TDRD6: variants seen among roughly 807,000 people sequenced by gnomAD.
TDRD6 encodes the protein tudor domain-containing protein 6.
A neutral mutation model predicts 157.5 loss-of-function variants in TDRD6; 186 were observed. The observed-to-expected ratio is 1.18, with a 90% CI of 1.05 to 1.33. The LOEUF (loss-of-function observed/expected upper bound fraction) is 1.33. Ranked by LOEUF, TDRD6 falls within the 40% of genes most tolerant of loss-of-function variation. The probability of loss-of-function intolerance (pLI) is 0.00; values close to 1 mark genes in which losing one functional copy is unlikely to be tolerated. For missense variants in TDRD6, 3,066 were observed against 2,508.0 expected (o/e 1.22, Z -4.75); for synonymous variants, 1,075 against 945.2 (o/e 1.14, Z -2.52).
In TDRD6 at chr6:46,693,785, G is replaced by A. The variant is rs865929083; in HGVS notation, c.5657G>A (p.Gly1886Asp). 6 of 1,614,032 alleles carry A rather than the reference G, an allele frequency of 3.7e-6. No individual in the cohort carries two copies. Among genetic ancestry groups the A allele is most frequent in the Admixed American group, 3.3e-5 (2 of 59,990 alleles). ...CTCTCCCAAGAGTGTGTCACAAAAG[G>A]CGCCATGGAGCTATTTACACTGCAG... is the stretch of plus-strand genomic sequence containing the variant. ...VPLSQECVTK[G>D]AMELFTLQLP... Residue 1886 changes from glycine to aspartate, a missense_variant, in exon 1 of 4, where the codon GGC becomes GAC. Physicochemically the swap from Gly to Asp is moderately conservative, Grantham distance 94. Coordinates refer to ENST00000316081, the MANE Select transcript of TDRD6 (RefSeq NM_001010870.3).
rs764788432 is a variant in TDRD6, at chr6:46,701,935, A to G, written c.*48A>G. On this transcript the variant is annotated 3_prime_UTR_variant, in exon 4 of 4. Coordinates refer to ENST00000316081, the MANE Select transcript of TDRD6 (RefSeq NM_001010870.3). ...AATCAGTCAGAAGCTGCCCTTGAACAAGTGGCATCTTACGCAGACCAACAG... is the reference window on the plus strand; with the variant it reads ...AATCAGTCAGAAGCTGCCCTTGAACGAGTGGCATCTTACGCAGACCAACAG... 14 of 1,596,792 alleles carry G rather than the reference A, an allele frequency of 8.8e-6. No individual in the cohort carries two copies. The highest frequency in any genetic ancestry group is 1.2e-5 in the Non-Finnish European group (14 of 1,166,034).
intron 3 of TDRD6, among the ~76,000 whole-genome samples, chr6:46,700,474 T>G (rs1333647216): frequency 6.6e-6 from 1 of 152,184 alleles, no homozygotes; most frequent in East Asian, 1.9e-4. Context: ...CACTATGATC[T>G]AGGAATCTAA....
Position 46,688,735 on chromosome 6 carries a change from A to T in TDRD6, c.607A>T (p.Ser203Cys), listed in dbSNP as rs748040465. 1.9e-6 allele frequency: 3 copies of T among 1,600,222 alleles called. No homozygotes were observed. In the South Asian group the frequency reaches 3.3e-5, roughly 18 times the overall value. The change falls in exon 1 of 4, where the codon AGC (serine) becomes TGC (cysteine). Residue 203 changes from serine to cysteine, a missense_variant. By Grantham distance (112) the Ser-to-Cys change is moderately radical. Transcript: ENST00000316081. ...GGGCCTGGCTCGGCGGGTGCCCGAC[A>T]GCCTCTTCCGTTCGCTGCTGGAGCG... Reference protein sequence around the residue: ...ELGLARRVPDSLFRSLLERYL... With the variant: ...ELGLARRVPDCLFRSLLERYL...
At position 46,688,475 on chromosome 6, in the gene TDRD6, G is replaced by T. The variant is rs779365592; in HGVS notation, c.347G>T (p.Arg116Leu). 5 of 1,548,214 alleles carry T rather than the reference G, an allele frequency of 3.2e-6. No individual in the cohort carries two copies. The Middle Eastern group carries it at 5.0e-4, about 155-fold the overall frequency. Residue 116 changes from arginine to leucine, a missense_variant, in exon 1 of 4, where the codon CGC becomes CTC. By Grantham distance (102) the Arg-to-Leu change is moderately radical. Coordinates refer to ENST00000316081, the MANE Select transcript of TDRD6 (RefSeq NM_001010870.3). Reference protein sequence around the residue: ...TAGAGSLAPGRREFFNLPSEV... With the variant: ...TAGAGSLAPGLREFFNLPSEV... ...GGAGCAGGCTCGCTGGCGCCTGGGC[G>T]CAGAGAGTTCTTCAATTTGCCCTCG...
chr6:46,693,722 A>G lies in TDRD6; in HGVS notation c.5594A>G (p.Glu1865Gly). 1 of 1,614,218 alleles carries G rather than the reference A, an allele frequency of 6.2e-7. No individual in the cohort carries two copies. Among genetic ancestry groups the G allele is most frequent in the Non-Finnish European group, 8.5e-7 (1 of 1,180,036 alleles). Residue 1865 changes from glutamate (E) to glycine (G), a missense_variant, in exon 1 of 4, where the codon GAA (glutamate) becomes GGA (glycine). By Grantham distance (98) the Glu-to-Gly change is moderately conservative. Coordinates refer to ENST00000316081, the MANE Select transcript of TDRD6 (RefSeq NM_001010870.3). ...ELQNSLVVDE[E>G]KGELSPVPPN... ...CAGAATTCTCTGGTGGTGGATGAAG[A>G]AAAAGGGGAGCTAAGCCCGGTGCCA...
chr6:46,691,355 A>G lies in TDRD6; in HGVS notation c.3227A>G (p.Asp1076Gly). Reference protein sequence around the residue: ...DFGNIYVVTSDDLLPIPSDAY... With the variant: ...DFGNIYVVTSGDLLPIPSDAY... ...GGGAATATTTATGTAGTAACAAGTGATGATCTGCTTCCAATACCTAGTGAT... is the reference window on the plus strand; with the variant it reads ...GGGAATATTTATGTAGTAACAAGTGGTGATCTGCTTCCAATACCTAGTGAT... The change falls in exon 1 of 4, where the codon GAT (aspartate) becomes GGT (glycine). Residue 1076 changes from aspartate to glycine, a missense_variant. Physicochemically the swap from Asp to Gly is moderately conservative, Grantham distance 94. Coordinates refer to ENST00000316081, the MANE Select transcript of TDRD6 (RefSeq NM_001010870.3). 6.2e-7 allele frequency: 1 copy of G among 1,614,074 alleles called. No individual in the cohort carries two copies. The highest frequency in any genetic ancestry group is 8.5e-7 in the Non-Finnish European group (1 of 1,179,944).
rs749247013 is a variant in TDRD6 at position 46,691,971 on chromosome 6, A to G, written c.3843A>G (p.Ile1281Met). The G allele has an allele frequency of 8.1e-6, 13 of 1,613,720 alleles. No individual in the cohort carries two copies. The highest frequency in any genetic ancestry group is 4.4e-5 in the South Asian group (4 of 90,990). The stretch of plus-strand genomic sequence containing the variant: ...AAGCTACTCTTTCAGAGAGAAAAAT[A>G]GGAGATTCATGTGACAAAGATTTGC... ...RVEATLSERK[I>M]GDSCDKDLPL... The change falls in exon 1 of 4, where the codon ATA (isoleucine) becomes ATG (methionine). Residue 1281 changes from isoleucine to methionine, a missense_variant. Transcript: ENST00000316081.
In TDRD6 at chr6:46,693,407, T is replaced by C; in HGVS notation, c.5279T>C (p.Ile1760Thr). ...LAEITEKDVN[I>T]IGTKPSNFRD... The stretch of plus-strand genomic sequence containing the variant: ...GAAATAACTGAAAAAGATGTAAACA[T>C]TATTGGAACCAAACCAAGTAACTTC... Residue 1760 changes from isoleucine (I) to threonine (T), a missense_variant, in exon 1 of 4, where the codon ATT becomes ACT. Physicochemically the swap from Ile to Thr is moderately conservative, Grantham distance 89 (BLOSUM62 -1). Coordinates refer to ENST00000316081, the MANE Select transcript of TDRD6 (RefSeq NM_001010870.3). 1 of 1,613,952 alleles carries C rather than the reference T, an allele frequency of 6.2e-7. No individual in the cohort carries two copies. Among genetic ancestry groups the C allele is most frequent in the Non-Finnish European group, 8.5e-7 (1 of 1,179,988 alleles).
At chr6:46,697,404 A>G (rs755429069) in intron 2 of TDRD6, among the ~76,000 whole-genome samples, 4 of 152,106 alleles carry the variant, frequency 2.6e-5, no homozygotes, top group Non-Finnish European at 5.9e-5. Context: ...TGAACTTCCT[A>G]TGGTGTATTG....
chr6:46,695,749 T>A (rs1764472794), intron 1 of TDRD6, 72 bp from the exon 2 acceptor site: 4 of 1,448,066 alleles, frequency 2.8e-6, no homozygotes, highest in Non-Finnish European at 3.8e-6. Context: ...ATTAGGAAAA[T>A]GCTTTGCTTG....
At position 46,689,723 on chromosome 6, in the gene TDRD6, G is replaced by T; in HGVS notation, c.1595G>T (p.Gly532Val). The T allele has an allele frequency of 1.9e-6, 3 of 1,614,214 alleles. No individual in the cohort carries two copies. Among genetic ancestry groups the T allele is most frequent in the Non-Finnish European group, 2.5e-6 (3 of 1,180,042 alleles). The change falls in exon 1 of 4, where the codon GGT (glycine) becomes GTT (valine). Residue 532 changes from glycine (G) to valine (V), a missense_variant. Transcript: ENST00000316081. ...TATTCCTCTGCCAGTAAGCTGGATG[G>T]TGTAGTTTTGAAACCTGAACCTGAT... is the stretch of plus-strand genomic sequence containing the variant. ...GFYSSASKLD[G>V]VVLKPEPDDL...
rs752390682 is a variant in TDRD6, at chr6:46,688,942, G to A, written c.814G>A (p.Val272Ile). The stretch of plus-strand genomic sequence containing the variant: ...CCGCATTCACTGCCAGCTCCGCAGC[G>A]TCTCGCAGGAGATCCACCGCCTCTC... Reference protein sequence around the residue: ...PHRIHCQLRSVSQEIHRLSES... With the variant: ...PHRIHCQLRSISQEIHRLSES... The change falls in exon 1 of 4, where the codon GTC (valine) becomes ATC (isoleucine). Residue 272 changes from valine (V) to isoleucine (I), a missense_variant. Transcript: ENST00000316081. The A allele has an allele frequency of 4.3e-6, 7 of 1,611,894 alleles. No individual in the cohort carries two copies. In the Admixed American group the frequency reaches 5.0e-5, roughly 12 times the overall value.
In TDRD6 at chr6:46,692,272, C is replaced by G. The variant is rs755131166; in HGVS notation, c.4144C>G (p.Leu1382Val). 1.2e-6 allele frequency: 2 copies of G among 1,613,910 alleles called. No individual in the cohort carries two copies. Among genetic ancestry groups the G allele is most frequent in the South Asian group, 2.2e-5 (2 of 91,058 alleles). Residue 1382 changes from leucine to valine, a missense_variant, in exon 1 of 4, where the codon CTT (leucine) becomes GTT (valine). Leu to Val is a conservative substitution (Grantham distance 32). Transcript: ENST00000316081. ...AVIKEQQPND[L>V]LSVQFIDYGN... ...GATCAAGGAGCAACAACCCAATGAC[C>G]TTCTCTCTGTGCAGTTTATAGATTA...
rs1028284780 is a variant in TDRD6 at position 46,687,959 on chromosome 6, A to C, written c.-170A>C. The C allele has an allele frequency of 2.0e-5, 22 of 1,082,826 alleles. No individual in the cohort carries two copies. The highest frequency in any genetic ancestry group is 2.5e-5 in the Non-Finnish European group (20 of 807,580). 67.1% of individuals were successfully genotyped at this position (1,082,826 alleles called of 1,614,324 possible). On this transcript the variant is annotated 5_prime_UTR_variant, in exon 1 of 4. Transcript: ENST00000316081. The stretch of plus-strand genomic sequence containing the variant: ...CAGTCCGTGGCGGGAGTCCCGGAGG[A>C]CCCTCGACGGGGGAGTTGCCGAGAA...
Position 46,691,881 on chromosome 6 carries a change from T to C in TDRD6, c.3753T>C (p.Phe1251=). The C allele has an allele frequency of 6.3e-7, 1 of 1,593,406 alleles. No individual in the cohort carries two copies. The highest frequency in any genetic ancestry group is 8.5e-7 in the Non-Finnish European group (1 of 1,174,670). The change falls in exon 1 of 4, where the codon TTT becomes TTC. Residue 1251 remains phenylalanine, a synonymous_variant. Coordinates refer to ENST00000316081, the MANE Select transcript of TDRD6 (RefSeq NM_001010870.3). ...TGGGAAATAAAAATAGTCAAGTGTT[T>C]CCATTAACAACAGAAAAGAAAGAAG... The part of the protein sequence containing the change: ...DSVGNKNSQV[F]PLTTEKKEEI...
In TDRD6 at chr6:46,691,064, C is replaced by T. The variant is rs754467918; in HGVS notation, c.2936C>T (p.Thr979Ile). ...SVQLHSYFYSTHDMKIGSEEL... is the reference protein window; with the variant it reads ...SVQLHSYFYSIHDMKIGSEEL... ...CAGCTACATTCCTACTTCTATTCTA[C>T]ACATGATATGAAAATTGGAAGTGAA... The change falls in exon 1 of 4, where the codon ACA (threonine) becomes ATA (isoleucine). Residue 979 changes from threonine (T) to isoleucine (I), a missense_variant. By Grantham distance (89) the Thr-to-Ile change is moderately conservative (BLOSUM62 -1). Transcript: ENST00000316081. 8 of 1,613,698 alleles carry T rather than the reference C, an allele frequency of 5.0e-6. No individual in the cohort carries two copies. The highest frequency in any genetic ancestry group is 5.9e-6 in the Non-Finnish European group (7 of 1,179,880).
rs777674917 is a variant in TDRD6 at position 46,689,572 on chromosome 6, A to G, written c.1444A>G (p.Arg482Gly). The G allele has an allele frequency of 2.5e-6, 4 of 1,614,174 alleles. No individual in the cohort carries two copies. In the Admixed American group the frequency reaches 5.0e-5, roughly 20 times the overall value. The change falls in exon 1 of 4, where the codon AGG becomes GGG. Residue 482 changes from arginine to glycine, a missense_variant. Transcript: ENST00000316081. Reference sequence around the variant, plus strand: ...TTCACTCCCAGCCTTAAGATCTATCAGGTTAAAGATGAATGCCTTCTACGA... The same window carrying G: ...TTCACTCCCAGCCTTAAGATCTATCGGGTTAAAGATGAATGCCTTCTACGA... ...EISLPALRSI[R>G]LKMNAFYDAQ...
chr6:46,686,087 C>T (rs143907571), upstream of TDRD6, among the ~76,000 whole-genome samples: 482 of 152,238 alleles, frequency 3.2e-3, 1 homozygote, highest in Non-Finnish European at 4.6e-3. Context: ...TATACCCTGA[C>T]GTCCTAGGAT....
At chr6:46,686,983 C>T (rs1384320463), upstream of TDRD6, among the ~76,000 whole-genome samples, 5 of 152,134 alleles carry the variant, frequency 3.3e-5, no homozygotes, top group African/African-American at 4.8e-5. Flanking sequence ...AATGACATTT[C>T]GAAACGTGGA....
Sources: allele counts gnomAD v4.1 joint callset (sites outside exome capture counted in the v4.1 genomes callset), GRCh38; gene constraint gnomAD v4.1.1; transcripts MANE v1.5; gene names NCBI Gene and HGNC (gene_info 2026-07-23, HGNC 2026-07-21).